CNTN4: variants seen among roughly 807,000 people sequenced by gnomAD.
CNTN4 encodes the protein contactin 4.
A neutral mutation model predicts 122.5 loss-of-function variants in CNTN4; 77 were observed. The observed-to-expected ratio is 0.63, with a 90% CI of 0.52 to 0.76. The LOEUF (loss-of-function observed/expected upper bound fraction) is 0.76, where lower values mean the gene tolerates loss of function less well. Among genes scored for constraint, CNTN4 ranks in the 30% least tolerant of loss-of-function variants. The probability of loss-of-function intolerance (pLI) is 0.00; values close to 1 mark genes in which losing one functional copy is unlikely to be tolerated. For missense variants in CNTN4, 1,256 were observed against 1,259.1 expected, an observed-to-expected ratio of 1.00 and a Z score of 0.04; for synonymous variants, 512 against 447.0, an observed-to-expected ratio of 1.15 and a Z score of -1.83.
chr3:2,966,663 G>T (rs138955111), intron 13 of CNTN4, among the ~76,000 whole-genome samples: 83 of 152,194 alleles, frequency 5.5e-4, no homozygotes, highest in African/African-American at 1.7e-3. Flanking sequence ...GATAAATGAG[G>T]TTATGGATAC....
intron 6 of CNTN4, among the ~76,000 whole-genome samples, chr3:2,780,537 C>T (rs2091528211): frequency 1.3e-5 from 2 of 152,172 alleles, no homozygotes; most frequent in African/African-American, 4.8e-5. Flanking sequence ...TTAAGCTTCT[C>T]TTAAAGACAT....
intron 2 of CNTN4, among the ~76,000 whole-genome samples, chr3:2,120,392 TATATATATATA>T (rs1480479050): frequency 3.7e-4 from 11 of 29,864 alleles, no homozygotes; most frequent in South Asian, 3.2e-3. Context: ...TATATATATA[TATATATATATA>T]TATTTTTTTT....
At chr3:2,187,904 T>G (rs183420684) in intron 2 of CNTN4, among the ~76,000 whole-genome samples, 7 of 152,272 alleles carry the variant, frequency 4.6e-5, no homozygotes, top group Admixed American at 3.9e-4. Context: ...GATGTTCTCT[T>G]TTGACACCAT....
chr3:2,491,719 T>G (rs1264454139), intron 3 of CNTN4, among the ~76,000 whole-genome samples: 3 of 152,306 alleles, frequency 2.0e-5, no homozygotes, highest in East Asian at 3.9e-4. Flanking sequence ...ATTTATGGCC[T>G]TTGATATTCA....
rs186500764 is a variant in CNTN4, at chr3:2,176,985, T to A, written c.-145+76346T>A. ...AAACCTATAGACACATGTAACAGCA[T>A]GCAGAAATATAAAGGTAAAAAAATC... On this transcript the variant is annotated intron_variant, in intron 2 of 24. Coordinates refer to ENST00000418658, the MANE Select transcript of CNTN4 (RefSeq NM_175607.3). 3.4e-3 allele frequency among the ~76,000 whole-genome samples: 524 copies of A among 152,200 alleles called. 2 individuals are homozygous for A. Among genetic ancestry groups the A allele is most frequent in the South Asian group, 0.011 (53 of 4,824 alleles).
At chr3:2,230,565 C>G (rs571265929) in intron 2 of CNTN4, among the ~76,000 whole-genome samples, 15 of 152,288 alleles carry the variant, frequency 9.8e-5, no homozygotes, top group Non-Finnish European at 1.6e-4. Context: ...AATATGGGTT[C>G]TTTCCTTTTA....
intron 3 of CNTN4, among the ~76,000 whole-genome samples, chr3:2,429,886 C>A (rs542229961): frequency 1.4e-3 from 213 of 152,212 alleles, no homozygotes; most frequent in Non-Finnish European, 2.4e-3. Context: ...CCAAGCCACG[C>A]GCGGGATATA....
chr3:2,535,566 T>G (rs1001144761), intron 3 of CNTN4, among the ~76,000 whole-genome samples: 1 of 152,264 alleles, frequency 6.6e-6, no homozygotes, highest in Middle Eastern at 3.4e-3. Context: ...TTCACAGTAC[T>G]TGGTAATTAT....
chr3:2,723,417 T>G (rs899308426), intron 4 of CNTN4, among the ~76,000 whole-genome samples: 1 of 152,208 alleles, frequency 6.6e-6, no homozygotes, highest in Non-Finnish European at 1.5e-5. Context: ...AACAGAAATT[T>G]ATTTCTCACT....
intron 13 of CNTN4, among the ~76,000 whole-genome samples, chr3:2,983,024 C>T (rs111774147): frequency 0.026 from 3,866 of 151,528 alleles, 82 homozygotes; most frequent in Admixed American, 0.04. Context: ...ACCATCCTGG[C>T]GAACACGGTG....
intron 2 of CNTN4, among the ~76,000 whole-genome samples, chr3:2,196,926 C>T (rs768829861): frequency 9.2e-5 from 14 of 151,694 alleles, no homozygotes; most frequent in Admixed American, 3.3e-4. Context: ...TGCCTGTAAT[C>T]CCAGCTACTC....
rs564832919 is a variant in CNTN4 at position 2,561,792 on chromosome 3, C to T, written c.-88-9624C>T. 2.4e-4 allele frequency among the ~76,000 whole-genome samples: 37 copies of T among 152,302 alleles called. No individual in the cohort carries two copies. The South Asian group carries it at 7.5e-3, about 31-fold the overall frequency. ...CTTGTGTGATTCTAAAGCCAATGAT[C>T]TCATTGCCATAGGGAAGCAAAGGAA... On this transcript the variant is annotated intron_variant, in intron 3 of 24. Coordinates refer to ENST00000418658, the MANE Select transcript of CNTN4 (RefSeq NM_175607.3).
At chr3:2,987,774 A>G (rs1694711703) in intron 13 of CNTN4, among the ~76,000 whole-genome samples, 1 of 152,188 alleles carries the variant, frequency 6.6e-6, no homozygotes, top group Admixed American at 6.6e-5. Context: ...TTTGCCATCC[A>G]CATTTGCTCT....
intron 4 of CNTN4, among the ~76,000 whole-genome samples, chr3:2,651,879 T>A (rs1172042794): frequency 6.6e-6 from 1 of 151,232 alleles, no homozygotes; most frequent in Non-Finnish European, 1.5e-5. Context: ...AACTTTTGCA[T>A]TTTTTTTAGT....
chr3:3,030,928 A>G lies in CNTN4; in HGVS notation c.1736A>G (p.Gln579Arg), dbSNP rs556549717. 6.2e-7 allele frequency: 1 copy of G among 1,614,108 alleles called. No individual in the cohort carries two copies. The highest frequency in any genetic ancestry group is 2.2e-5 in the East Asian group (1 of 44,890). ...KHAGKYVCMV[Q>R]TSVDRLSAAA... ...GCTGGGAAATATGTCTGCATGGTCC[A>G]AACAAGTGTGGACAGGCTATCTGCT... The change falls in exon 16 of 25, where the codon CAA (glutamine) becomes CGA (arginine). Residue 579 changes from glutamine (Q) to arginine (R), a missense_variant. Gln to Arg is a conservative substitution (Grantham distance 43, BLOSUM62 1). Transcript: ENST00000418658.
chr3:2,725,371 G>A (rs990345658), intron 4 of CNTN4, among the ~76,000 whole-genome samples: 57 of 152,180 alleles, frequency 3.7e-4, no homozygotes, highest in African/African-American at 1.3e-3. Flanking sequence ...GAAAGGCCAC[G>A]GAATCCTATA....
chr3:2,449,802 A>G (rs938273056), intron 3 of CNTN4, among the ~76,000 whole-genome samples: 1 of 151,312 alleles, frequency 6.6e-6, no homozygotes, highest in Non-Finnish European at 1.5e-5. Context: ...GACAACATGG[A>G]TGAACTTGGA....
At chr3:2,260,291 A>G (rs2040776595) in intron 2 of CNTN4, among the ~76,000 whole-genome samples, 1 of 151,560 alleles carries the variant, frequency 6.6e-6, no homozygotes, top group Non-Finnish European at 1.5e-5. Flanking sequence ...CATGGCCTCT[A>G]CCCTGTAGCA....
chr3:2,389,522 A>G (rs886968428), intron 3 of CNTN4, among the ~76,000 whole-genome samples: 2 of 151,910 alleles, frequency 1.3e-5, no homozygotes, highest in African/African-American at 4.8e-5. Flanking sequence ...AGCTCTTACC[A>G]CTACTGCAGT....
Sources: allele counts gnomAD v4.1 joint callset (sites outside exome capture counted in the v4.1 genomes callset), GRCh38; gene constraint gnomAD v4.1.1; transcripts MANE v1.5; gene names NCBI Gene and HGNC (gene_info 2026-07-23, HGNC 2026-07-21).